Variants in ASIP observed in about 807,000 individuals in gnomAD.
The protein encoded by ASIP is agouti signaling protein.
A neutral mutation model predicts 10.3 loss-of-function variants in ASIP; 11 were observed. The observed-to-expected ratio is 1.07, with a 90% CI of 0.68 to 1.78. The LOEUF (loss-of-function observed/expected upper bound fraction) is 1.78. Among genes scored for constraint, ASIP ranks in the 40% most tolerant of loss-of-function variants. The pLI is 0.00. For missense variants in ASIP, 180 were observed against 169.2 expected, an observed-to-expected ratio of 1.06 and a Z score of -0.35; for synonymous variants, 70 against 70.8, an observed-to-expected ratio of 0.99 and a Z score of 0.06.
chr20:34,267,338 G>A (rs551338352), intron 3 of ASIP, among the ~76,000 whole-genome samples: 92 of 151,542 alleles, frequency 6.1e-4, no homozygotes, highest in African/African-American at 2.0e-3. Context: ...TTTAAATAGA[G>A]TGAAAAACTC....
upstream of ASIP, among the ~76,000 whole-genome samples, chr20:34,239,664 A>G (rs1466975699): frequency 2.6e-5 from 4 of 152,222 alleles, no homozygotes; most frequent in Non-Finnish European, 5.9e-5. Context: ...TGACTTGTCC[A>G]AGATCAGAGA....
chr20:34,232,066 C>T (rs2035125172), intron 1 of ASIP, among the ~76,000 whole-genome samples: 1 of 152,174 alleles, frequency 6.6e-6, no homozygotes, highest in African/African-American at 2.4e-5. Context: ...CTGAGTCCAA[C>T]AGGGACAACA....
intron 1 of ASIP, among the ~76,000 whole-genome samples, chr20:34,258,700 A>ATATATATATATATACACACACATAC (rs1555826880): frequency 1.3e-4 from 10 of 77,922 alleles, no homozygotes; most frequent in African/African-American, 3.3e-4. Context: ...TACATACTAT[A>ATATATATATATATACACACACATAC]TATATATATT....
intron 1 of ASIP, among the ~76,000 whole-genome samples, chr20:34,197,765 T>G (rs1019263264): frequency 1.3e-5 from 2 of 152,184 alleles, no homozygotes; most frequent in African/African-American, 4.8e-5. Flanking sequence ...CGCAAGGTCA[T>G]GCAGCCTGAC....
At chr20:34,243,922 G>T (rs1159078296) in intron 1 of ASIP, among the ~76,000 whole-genome samples, 6 of 152,140 alleles carry the variant, frequency 3.9e-5, no homozygotes. Context: ...AAAATTAACC[G>T]GGCGTGGTGG....
intron 1 of ASIP, chr20:34,245,890 C>A: frequency 7.6e-7 from 1 of 1,310,600 alleles, no homozygotes; most frequent in Non-Finnish European, 1.0e-6. Flanking sequence ...ATATAAAGGC[C>A]TCTCTCCCTT....
intron 2 of ASIP, 35 bp downstream of exon 2, chr20:34,260,569 G>C (rs1208547816): frequency 6.4e-7 from 1 of 1,571,838 alleles, no homozygotes; most frequent in Admixed American, 1.7e-5. Flanking sequence ...TGGCCCAGGA[G>C]AGGGGCTGCA....
At chr20:34,215,401 T>G in intron 1 of ASIP, 1 of 1,555,186 alleles carries the variant, frequency 6.4e-7, no homozygotes, top group Non-Finnish European at 8.9e-7. Flanking sequence ...CCTGTGAGCC[T>G]CCTCTGATGT....
intron 3 of ASIP, among the ~76,000 whole-genome samples, chr20:34,263,712 A>T (rs1159695121): frequency 3.4e-5 from 5 of 145,400 alleles, no homozygotes; most frequent in Admixed American, 2.8e-4. Flanking sequence ...CTCGTTGCCC[A>T]GGCCAGAGTT....
chr20:34,262,746 C>G (rs1249652210), intron 2 of ASIP, 86 bp from the exon 3 acceptor site: 10 of 1,495,748 alleles, frequency 6.7e-6, no homozygotes, highest in South Asian at 1.1e-5. Flanking sequence ...CTTGTGACTT[C>G]CCAAGCCCCC....
intron 1 of ASIP, among the ~76,000 whole-genome samples, chr20:34,252,345 G>A (rs960548625): frequency 2.6e-5 from 4 of 152,170 alleles, no homozygotes; most frequent in African/African-American, 9.7e-5. Flanking sequence ...AACAGGTGGG[G>A]AGAAGGTCAG....
At chr20:34,255,922 T>C (rs1428603179) in intron 1 of ASIP, among the ~76,000 whole-genome samples, 1 of 152,068 alleles carries the variant, frequency 6.6e-6, no homozygotes, top group Non-Finnish European at 1.5e-5. Context: ...TAGAGAAGAC[T>C]CTGCTCCACC....
chr20:34,219,273 A>C (rs1384366285), intron 1 of ASIP, among the ~76,000 whole-genome samples: 1 of 152,188 alleles, frequency 6.6e-6, no homozygotes, highest in Non-Finnish European at 1.5e-5. Flanking sequence ...AGGAGTAAAA[A>C]CTAACTTTTG....
At chr20:34,197,176 C>A (rs766713642) in intron 1 of ASIP, among the ~76,000 whole-genome samples, 16 of 151,960 alleles carry the variant, frequency 1.1e-4, no homozygotes, top group African/African-American at 3.6e-4. Context: ...AGTTTGAGAC[C>A]AGCCTGGCCA....
At chr20:34,224,934 CTT>C (rs1272402114) in intron 1 of ASIP, among the ~76,000 whole-genome samples, 1 of 142,840 alleles carries the variant, frequency 7.0e-6, no homozygotes, top group Non-Finnish European at 1.5e-5. Context: ...AAGTTGTGCT[CTT>C]GTCTCAACCT....
chr20:34,226,561 C>A (rs1601580089), intron 1 of ASIP, among the ~76,000 whole-genome samples: 1 of 152,024 alleles, frequency 6.6e-6, no homozygotes. Context: ...GCCATGTTGG[C>A]CAGACTGGTC....
In ASIP at chr20:34,269,073, C is replaced by T. The variant is rs1416486399; in HGVS notation, c.305C>T (p.Pro102Leu). The change falls in exon 4 of 4, where the codon CCG (proline) becomes CTG (leucine). Residue 102 changes from proline to leucine, a missense_variant. Physicochemically the swap from Pro to Leu is moderately conservative, Grantham distance 98. Coordinates refer to ENST00000374954, the MANE Select transcript of ASIP (RefSeq NM_001672.3). ...PCVATRNSCKPPAPACCDPCA... is the reference protein window; with the variant it reads ...PCVATRNSCKLPAPACCDPCA... ...GTGGCCACCCGCAACAGCTGCAAGC[C>T]GCCGGCACCCGCCTGCTGCGACCCG... 5 of 1,576,214 alleles carry T rather than the reference C, an allele frequency of 3.2e-6. No homozygotes were observed. Among genetic ancestry groups the T allele is most frequent in the Non-Finnish European group, 3.4e-6 (4 of 1,161,254 alleles).
At chr20:34,237,708 C>T (rs1294032221), upstream of ASIP, among the ~76,000 whole-genome samples, 1 of 152,156 alleles carries the variant, frequency 6.6e-6, no homozygotes, top group Non-Finnish European at 1.5e-5. Context: ...GTGGTGAAAG[C>T]AGGCATCTTT....
chr20:34,264,636 A>G (rs888512076), intron 3 of ASIP, among the ~76,000 whole-genome samples: 2 of 152,140 alleles, frequency 1.3e-5, no homozygotes, highest in African/African-American at 4.8e-5. Context: ...TTTCAGACAG[A>G]CAATACATCT....
Sources: allele counts gnomAD v4.1 joint callset (sites outside exome capture counted in the v4.1 genomes callset), GRCh38; gene constraint gnomAD v4.1.1; transcripts MANE v1.5; gene names NCBI Gene and HGNC (gene_info 2026-07-23, HGNC 2026-07-21).